The following NRDC variants were observed in gnomAD, a reference collection of about 807,000 sequenced individuals.
The protein encoded by NRDC is nardilysin.
In NRDC, 54 loss-of-function variants were observed where a neutral mutation model predicts 147.1. That is an observed-to-expected ratio of 0.37 (90% CI 0.29 to 0.46). The LOEUF is 0.46. Ranked by LOEUF, NRDC falls within the 20% of genes least tolerant of loss-of-function variation. NRDC has a pLI of 1.00. For synonymous variants in NRDC, 440 were observed against 482.1 expected (o/e 0.91, Z 1.14); for missense variants, 1,082 against 1,370.6 (o/e 0.79, Z 3.33).
chr1:51,870,751 G>T (rs994500171), intron 1 of NRDC, among the ~76,000 whole-genome samples: 13 of 151,882 alleles, frequency 8.6e-5, no homozygotes, highest in Middle Eastern at 3.4e-3. Flanking sequence ...AACTATCTAA[G>T]AATCTATTAT....
intron 4 of NRDC, among the ~76,000 whole-genome samples, chr1:51,829,965 C>CTTTTT (rs941972546): frequency 2.3e-5 from 3 of 131,276 alleles, no homozygotes; most frequent in Non-Finnish European, 3.2e-5. Context: ...TCTTTTATTT[C>CTTTTT]TTTTTTTTTT....
rs375113888 is a variant in NRDC at position 51,855,741 on chromosome 1, C to T, written c.342-15227G>A. Reference sequence around the variant, plus strand: ...AAAAAAAAGTAGCTAGGTATGGTGACGCACCCCTGTAATCCCAGCTACTCA... The same window carrying T: ...AAAAAAAAGTAGCTAGGTATGGTGATGCACCCCTGTAATCCCAGCTACTCA... On this transcript the variant is annotated intron_variant, in intron 1 of 30. Transcript: ENST00000352171. Among the ~76,000 whole-genome samples the T allele has an allele frequency of 9.9e-5, 15 of 152,108 alleles. 1 individual carries two copies. The highest frequency in any genetic ancestry group is 9.7e-4 in the East Asian group (5 of 5,170).
chr1:51,864,694 A>G (rs1022216447), intron 1 of NRDC, among the ~76,000 whole-genome samples: 12 of 152,078 alleles, frequency 7.9e-5, no homozygotes, highest in South Asian at 4.1e-4. Flanking sequence ...GCTCACACCT[A>G]TAATCCCAGA....
At chr1:51,814,278 T>C (rs1302029086) in intron 13 of NRDC, 189 bp from the exon 14 acceptor site, 4 of 578,208 alleles carry the variant, frequency 6.9e-6, no homozygotes, top group African/African-American at 1.9e-5. Context: ...CCTGCACATA[T>C]ACCCCTGAAC....
At chr1:51,865,310 G>GTT (rs200973191) in intron 1 of NRDC, among the ~76,000 whole-genome samples, 104 of 143,088 alleles carry the variant, frequency 7.3e-4, no homozygotes, top group African/African-American at 2.4e-3. Flanking sequence ...TTTTCGTTTT[G>GTT]TTTTTTTTTT....
intron 1 of NRDC, among the ~76,000 whole-genome samples, chr1:51,846,518 G>C (rs1681605188): frequency 6.6e-6 from 1 of 152,258 alleles, no homozygotes; most frequent in South Asian, 2.1e-4. Flanking sequence ...CCCGCGGTGA[G>C]TGTTACAGTT....
chr1:51,874,573 C>G (rs1341511563), intron 1 of NRDC, among the ~76,000 whole-genome samples: 1 of 151,746 alleles, frequency 6.6e-6, no homozygotes, highest in African/African-American at 2.4e-5. Context: ...GGCGCCACTG[C>G]ACTCCAGCCT....
intron 1 of NRDC, among the ~76,000 whole-genome samples, chr1:51,851,169 T>C (rs1272750394): frequency 6.6e-6 from 1 of 152,118 alleles, no homozygotes; most frequent in African/African-American, 2.4e-5. Context: ...ATAAATCACC[T>C]GAGAAGATGT....
At position 51,795,190 on chromosome 1, in the gene NRDC, G is replaced by A. The variant is rs901247959; in HGVS notation, c.2605-336C>T. On this transcript the variant is annotated intron_variant, in intron 22 of 30. Coordinates refer to ENST00000352171, the MANE Select transcript of NRDC (RefSeq NM_001101662.2). ...AACATGGACTATGTTTCAGAATCCT[G>A]GGCCCATTGACATAGAACCTGGATA... 4.6e-5 allele frequency: 62 copies of A among 1,337,322 alleles called. No individual in the cohort carries two copies. In the Admixed American group the frequency reaches 1.3e-3, roughly 29 times the overall value. The allele number at this position is 1,337,322 out of a possible 1,614,324, so 82.8% of individuals were successfully genotyped here.
chr1:51,842,691 A>C (rs1350661090), intron 1 of NRDC, among the ~76,000 whole-genome samples: 2 of 152,252 alleles, frequency 1.3e-5, no homozygotes, highest in Admixed American at 1.3e-4. Flanking sequence ...TAATGCCAAA[A>C]AACAAGCAAA....
chr1:51,846,378 T>G (rs982213415), intron 1 of NRDC, among the ~76,000 whole-genome samples: 1 of 152,214 alleles, frequency 6.6e-6, no homozygotes, highest in African/African-American at 2.4e-5. Context: ...TCTCCCAAAG[T>G]GCAGGAATTA....
At chr1:51,805,910 A>T (rs1344360702) in intron 18 of NRDC, among the ~76,000 whole-genome samples, 1 of 152,214 alleles carries the variant, frequency 6.6e-6, no homozygotes, top group Non-Finnish European at 1.5e-5. Flanking sequence ...TTTACAGCAG[A>T]GGCTTTCCAA....
At chr1:51,864,782 T>A (rs1480620966) in intron 1 of NRDC, among the ~76,000 whole-genome samples, 3 of 151,962 alleles carry the variant, frequency 2.0e-5, no homozygotes, top group Non-Finnish European at 4.4e-5. Flanking sequence ...TAAAACCCTG[T>A]CTCTGCTAAA....
chr1:51,814,665 A>G, intron 12 of NRDC, 28 bp downstream of exon 12: 1 of 1,604,966 alleles, frequency 6.2e-7, no homozygotes, highest in African/African-American at 1.3e-5. Context: ...ACGTAAAAGG[A>G]AAAAACAACT....
intron 9 of NRDC, among the ~76,000 whole-genome samples, chr1:51,818,476 C>A (rs1034135244): frequency 4.6e-5 from 7 of 152,146 alleles, no homozygotes; most frequent in African/African-American, 1.7e-4. Context: ...GCTATATGTG[C>A]TTACATGACC....
At chr1:51,848,203 C>T (rs1229260133) in intron 1 of NRDC, among the ~76,000 whole-genome samples, 3 of 152,150 alleles carry the variant, frequency 2.0e-5, no homozygotes, top group East Asian at 1.9e-4. Context: ...CGGTGGGGCG[C>T]GGTGGCCCAC....
intron 24 of NRDC, chr1:51,793,917 T>C (rs1678768242): frequency 2.0e-5 from 3 of 152,864 alleles, no homozygotes; most frequent in Admixed American, 1.9e-4. Context: ...TTCCTTCCTT[T>C]AAGCACCACA....
At chr1:51,812,634 G>A (rs965714458) in intron 14 of NRDC, among the ~76,000 whole-genome samples, 4 of 152,120 alleles carry the variant, frequency 2.6e-5, no homozygotes, top group Non-Finnish European at 5.9e-5. Context: ...TTAGGTTCTA[G>A]TCATATCACA....
intron 14 of NRDC, among the ~76,000 whole-genome samples, chr1:51,813,137 T>A (rs1243315903): frequency 6.6e-6 from 1 of 152,096 alleles, no homozygotes. Flanking sequence ...AAAATTAAAA[T>A]GTGACTGTCA....
Sources: gnomAD v4.1 joint callset for allele counts (sites outside exome capture counted in the v4.1 genomes callset) on GRCh38, gnomAD v4.1.1 for gene constraint, MANE v1.5 for transcripts, NCBI Gene and HGNC (gene_info 2026-07-23, HGNC 2026-07-21) for gene names.